The following NFU1 variants were observed in gnomAD, a reference collection of about 807,000 sequenced individuals.
NFU1 encodes the protein NFU1 iron-sulfur cluster scaffold, also known as NFU1 iron-sulfur cluster scaffold homolog, mitochondrial.
NFU1 carries 30 observed loss-of-function variants against 32.2 expected under a neutral mutation model. The ratio of observed to expected loss-of-function variants is 0.93; its 90% confidence interval spans 0.70 to 1.26. The LOEUF is 1.26. Ranked by LOEUF, NFU1 falls within the 50% of genes most tolerant of loss-of-function variation. The pLI, the probability that NFU1 is intolerant of heterozygous loss-of-function variation, is 0.00. For synonymous variants in NFU1, 112 were observed against 104.6 expected, an observed-to-expected ratio of 1.07 and a Z score of -0.43; for missense variants, 306 against 306.6, an observed-to-expected ratio of 1.00 and a Z score of 0.02.
At chr2:69,408,769 T>TATACAC in intron 5 of NFU1, among the ~76,000 whole-genome samples, 1 of 133,660 alleles carries the variant, frequency 7.5e-6, no homozygotes, top group South Asian at 2.4e-4. Context: ...TATATATATA[T>TATACAC]ACACACACAC....
At chr2:69,408,331 T>C (rs560080310) in intron 5 of NFU1, among the ~76,000 whole-genome samples, 7 of 152,348 alleles carry the variant, frequency 4.6e-5, no homozygotes, top group African/African-American at 1.7e-4. Flanking sequence ...GTAACTTTTA[T>C]ATAGATTTGT....
Position 69,406,055 on chromosome 2 carries a change from G to T in NFU1, c.512C>A (p.Ala171Glu). 1 of 1,601,698 alleles carries T rather than the reference G, an allele frequency of 6.2e-7. No homozygotes were observed. Among genetic ancestry groups the T allele is most frequent in the Non-Finnish European group, 8.5e-7 (1 of 1,169,948 alleles). ...AGTATCTAACAATTCCTTAATCATT[G>T]CCACAACTTCATCATCTTCTTCAGA... ...AGSEEDDEVV[A>E]MIKELLDTRI... Residue 171 changes from alanine to glutamate, a missense_variant, in exon 6 of 8, where the codon GCA (alanine) becomes GAA (glutamate). Transcript: ENST00000410022.
intron 1 of NFU1, among the ~76,000 whole-genome samples, chr2:69,435,066 C>A (rs925953694): frequency 1.3e-5 from 2 of 152,186 alleles, no homozygotes; most frequent in African/African-American, 4.8e-5. Flanking sequence ...ACTCTTAGGA[C>A]CGCCAGAATA....
chr2:69,434,751 A>T (rs912450278), intron 1 of NFU1, among the ~76,000 whole-genome samples: 1 of 152,174 alleles, frequency 6.6e-6, no homozygotes, highest in African/African-American at 2.4e-5. Flanking sequence ...ATTCATCAAG[A>T]CAGGGGATTT....
At chr2:69,411,571 T>TA (rs1373348082) in intron 5 of NFU1, among the ~76,000 whole-genome samples, 1 of 152,134 alleles carries the variant, frequency 6.6e-6, no homozygotes, top group Non-Finnish European at 1.5e-5. Flanking sequence ...AGAATATTTA[T>TA]ATATATACAG....
chr2:69,439,526 A>C (rs1223811704), upstream of NFU1, among the ~76,000 whole-genome samples: 2 of 152,224 alleles, frequency 1.3e-5, no homozygotes, highest in South Asian at 2.1e-4. Context: ...GAGCAAAAGA[A>C]CAAAGCTTTC....
At chr2:69,428,297 C>T (rs1306322650) in intron 2 of NFU1, among the ~76,000 whole-genome samples, 2 of 151,864 alleles carry the variant, frequency 1.3e-5, no homozygotes, top group South Asian at 2.1e-4. Flanking sequence ...TGGTGATGTG[C>T]GCCTGTAATC....
intron 3 of NFU1, among the ~76,000 whole-genome samples, chr2:69,420,003 A>AT (rs57731378): frequency 4.2e-4 from 63 of 148,398 alleles, no homozygotes; most frequent in Non-Finnish European, 2.4e-4. Context: ...TAAACAGACT[A>AT]TTTTTTTTTT....
intron 2 of NFU1, 40 bp from the exon 3 acceptor site, chr2:69,423,757 C>G (rs777266388): frequency 1.4e-6 from 2 of 1,470,266 alleles, no homozygotes; most frequent in Non-Finnish European, 1.9e-6. Flanking sequence ...CTAGAAAAAA[C>G]AGTTAACAAG....
intron 4 of NFU1, among the ~76,000 whole-genome samples, chr2:69,417,590 T>C (rs571664236): frequency 1.3e-5 from 2 of 152,188 alleles, no homozygotes; most frequent in South Asian, 4.2e-4. Context: ...AGTTAGTGGT[T>C]GCAGTGACCC....
intron 2 of NFU1, among the ~76,000 whole-genome samples, chr2:69,427,980 G>A (rs538559393): frequency 6.6e-6 from 1 of 151,918 alleles, no homozygotes; most frequent in African/African-American, 2.4e-5. Context: ...CCAAGATTGC[G>A]CCATTACAGT....
chr2:69,417,317 A>C (rs1673088768), intron 4 of NFU1, among the ~76,000 whole-genome samples: 1 of 152,112 alleles, frequency 6.6e-6, no homozygotes, highest in African/African-American at 2.4e-5. Flanking sequence ...TTACTGGAAG[A>C]AAACAAAATA....
chr2:69,402,579 T>C (rs1274305919), intron 6 of NFU1, among the ~76,000 whole-genome samples: 2 of 152,100 alleles, frequency 1.3e-5, no homozygotes, highest in Admixed American at 6.6e-5. Context: ...CTGATATATA[T>C]ATACATATAT....
At chr2:69,401,359 T>C (rs12477398) in intron 6 of NFU1, among the ~76,000 whole-genome samples, 1 of 152,144 alleles carries the variant, frequency 6.6e-6, no homozygotes, top group Non-Finnish European at 1.5e-5. Flanking sequence ...ATTCTATTTA[T>C]AAATCACGTA....
intron 5 of NFU1, among the ~76,000 whole-genome samples, chr2:69,414,959 T>C (rs1050662213): frequency 3.3e-5 from 5 of 152,180 alleles, no homozygotes; most frequent in Non-Finnish European, 5.9e-5. Flanking sequence ...TTGGTGAGCA[T>C]GATATTTTCT....
At chr2:69,424,429 C>CA (rs1673387773) in intron 2 of NFU1, among the ~76,000 whole-genome samples, 1 of 151,658 alleles carries the variant, frequency 6.6e-6, no homozygotes, top group African/African-American at 2.4e-5. Flanking sequence ...TCTGGGACTA[C>CA]AGGCGTGCAC....
Position 69,429,251 on chromosome 2 carries a change from T to A in NFU1, c.166+2651A>T, listed in dbSNP as rs553368413. 2.4e-4 allele frequency among the ~76,000 whole-genome samples: 36 copies of A among 152,312 alleles called. No individual in the cohort carries two copies. The South Asian group carries it at 6.8e-3, about 29-fold the overall frequency. ...TAACCAAAATCTGCACACAGTACTC[T>A]ACCAATATTTGAAAAATTAAATCTG... On this transcript the variant is annotated intron_variant, in intron 2 of 7. Coordinates refer to ENST00000410022, the MANE Select transcript of NFU1 (RefSeq NM_001002755.4).
chr2:69,433,233 C>T (rs1352383335), intron 1 of NFU1, among the ~76,000 whole-genome samples: 2 of 151,320 alleles, frequency 1.3e-5, no homozygotes, highest in Non-Finnish European at 2.9e-5. Flanking sequence ...GGCTGGAGTG[C>T]AATGGCACAA....
chr2:69,415,175 A>G lies in NFU1; in HGVS notation c.484+10T>C. On this transcript the variant is annotated intron_variant, in intron 5 of 7. Coordinates refer to ENST00000410022, the MANE Select transcript of NFU1 (RefSeq NM_001002755.4). ...AGGACAAATTTTAATTACTCAATAC[A>G]ACATGTTACCTGCTTCTCCTGAAGG... 6.8e-7 allele frequency: 1 copy of G among 1,476,038 alleles called. No individual in the cohort carries two copies. The highest frequency in any genetic ancestry group is 1.4e-5 in the African/African-American group (1 of 72,360). 91.4% of individuals were successfully genotyped at this position (1,476,038 alleles called of 1,614,324 possible). A position where few individuals can be genotyped will look rare whatever the true frequency, so the allele number is the denominator to read the frequency against.
Sources: allele counts gnomAD v4.1 joint callset (sites outside exome capture counted in the v4.1 genomes callset), GRCh38; gene constraint gnomAD v4.1.1; transcripts MANE v1.5; gene names NCBI Gene and HGNC (gene_info 2026-07-23, HGNC 2026-07-21).